Variants in WWOX observed in about 807,000 individuals in gnomAD.
WWOX encodes the protein WW domain-containing oxidoreductase.
WWOX carries 69 observed loss-of-function variants against 46.2 expected under a neutral mutation model. The observed-to-expected ratio is 1.49, with a 90% CI of 1.23 to 1.82. The LOEUF (loss-of-function observed/expected upper bound fraction) is 1.82. WWOX is among the 40% of genes most tolerant of loss of function. The pLI is 0.00. For synonymous variants in WWOX, 359 were observed against 202.6 expected, an observed-to-expected ratio of 1.77 and a Z score of -6.56; for missense variants, 919 against 542.6, an observed-to-expected ratio of 1.69 and a Z score of -6.89.
At chr16:79,202,408 G>T (rs562284368) in intron 8 of WWOX, among the ~76,000 whole-genome samples, 2 of 152,256 alleles carry the variant, frequency 1.3e-5, no homozygotes, top group African/African-American at 4.8e-5. Flanking sequence ...ACATTCCGTC[G>T]AGATTCTTTT....
At chr16:78,903,748 G>A (rs1293871031) in intron 8 of WWOX, among the ~76,000 whole-genome samples, 1 of 152,198 alleles carries the variant, frequency 6.6e-6, no homozygotes, top group South Asian at 2.1e-4. Flanking sequence ...ATTATGCATA[G>A]TACAGGAGCT....
chr16:78,656,911 C>T (rs957126910), intron 8 of WWOX, among the ~76,000 whole-genome samples: 1 of 152,204 alleles, frequency 6.6e-6, no homozygotes, highest in African/African-American at 2.4e-5. Flanking sequence ...TTAGGGAAGG[C>T]TGTCGATACA....
intron 8 of WWOX, among the ~76,000 whole-genome samples, chr16:79,208,240 C>A (rs933039641): frequency 2.6e-5 from 4 of 152,138 alleles, no homozygotes; most frequent in Admixed American, 6.5e-5. Flanking sequence ...TAAAAAGATT[C>A]TTCTGGGCTT....
intron 8 of WWOX, among the ~76,000 whole-genome samples, chr16:78,589,050 A>G (rs898603903): frequency 6.6e-6 from 1 of 152,174 alleles, no homozygotes; most frequent in Non-Finnish European, 1.5e-5. Context: ...CCTTATTAAG[A>G]CCTTATCAGT....
intron 8 of WWOX, among the ~76,000 whole-genome samples, chr16:78,505,089 G>A (rs141071218): frequency 1.6e-3 from 250 of 152,144 alleles, no homozygotes; most frequent in African/African-American, 5.8e-3. Context: ...CTGAGCCGCC[G>A]AAGCACAATA....
chr16:78,182,472 C>G (rs1047127423), intron 5 of WWOX, among the ~76,000 whole-genome samples: 2 of 151,968 alleles, frequency 1.3e-5, no homozygotes, highest in African/African-American at 2.4e-5. Flanking sequence ...CTAAGCTTTT[C>G]CTCCCCACAT....
intron 8 of WWOX, among the ~76,000 whole-genome samples, chr16:79,011,354 C>T (rs542610867): frequency 5.5e-4 from 84 of 152,038 alleles, no homozygotes; most frequent in Non-Finnish European, 1.1e-3. Context: ...TTTCATGTCT[C>T]CAATCCTGCC....
intron 5 of WWOX, among the ~76,000 whole-genome samples, chr16:78,321,334 ATGCGTATATATATACG>A (rs1567499128): frequency 9.0e-4 from 55 of 61,402 alleles, no homozygotes; most frequent in Admixed American, 2.0e-3. Flanking sequence ...ATACGTATAT[ATGCGTATATATATACG>A]TATATATGCG....
chr16:78,428,156 T>G (rs1210922649), intron 7 of WWOX, among the ~76,000 whole-genome samples: 1 of 152,206 alleles, frequency 6.6e-6, no homozygotes, highest in Non-Finnish European at 1.5e-5. Flanking sequence ...ACAAAGCAAG[T>G]GTTACTGTCC....
chr16:78,808,381 A>T (rs569466429), intron 8 of WWOX, among the ~76,000 whole-genome samples: 1 of 152,356 alleles, frequency 6.6e-6, no homozygotes, highest in South Asian at 2.1e-4. Context: ...GGTCTTAGAT[A>T]TAGGTGCAAA....
chr16:78,313,315 G>T (rs548453868), intron 5 of WWOX, among the ~76,000 whole-genome samples: 1 of 152,150 alleles, frequency 6.6e-6, no homozygotes, highest in African/African-American at 2.4e-5. Context: ...ATGATAGAAC[G>T]TCTGAACAGT....
chr16:79,007,548 C>A (rs902861727), intron 8 of WWOX, among the ~76,000 whole-genome samples: 1 of 152,196 alleles, frequency 6.6e-6, no homozygotes, highest in Non-Finnish European at 1.5e-5. Flanking sequence ...CCAAAATATC[C>A]ATAACCGAAT....
chr16:78,328,524 G>A (rs2080682642), intron 5 of WWOX, among the ~76,000 whole-genome samples: 1 of 152,184 alleles, frequency 6.6e-6, no homozygotes, highest in Non-Finnish European at 1.5e-5. Context: ...CTGTAAGAAT[G>A]CTGCAAAGGG....
chr16:78,307,977 C>G (rs1342110016), intron 5 of WWOX, among the ~76,000 whole-genome samples: 1 of 152,184 alleles, frequency 6.6e-6, no homozygotes, highest in East Asian at 1.9e-4. Context: ...GTGTGACACT[C>G]TGGAATGTGG....
chr16:79,197,160 T>A (rs747798917), intron 8 of WWOX, among the ~76,000 whole-genome samples: 11 of 152,164 alleles, frequency 7.2e-5, no homozygotes, highest in Non-Finnish European at 1.2e-4. Context: ...TCTGTACCAT[T>A]CTGTCCTTCA....
At chr16:79,050,593 G>A (rs2048148051) in intron 8 of WWOX, among the ~76,000 whole-genome samples, 1 of 152,196 alleles carries the variant, frequency 6.6e-6, no homozygotes, top group Admixed American at 6.5e-5. Context: ...GGAGGGTGAA[G>A]AATGGGCCCC....
At chr16:78,619,525 C>T (rs1338995022) in intron 8 of WWOX, among the ~76,000 whole-genome samples, 3 of 151,768 alleles carry the variant, frequency 2.0e-5, no homozygotes, top group Non-Finnish European at 4.4e-5. Flanking sequence ...CCCCTTTCAG[C>T]TCCTGCTGTG....
chr16:78,640,855 C>G (rs2046689804), intron 8 of WWOX, among the ~76,000 whole-genome samples: 1 of 150,560 alleles, frequency 6.6e-6, no homozygotes, highest in Admixed American at 6.6e-5. Flanking sequence ...AGGGGAATTG[C>G]TTGAACCTGG....
chr16:78,670,367 C>T (rs570578747), intron 8 of WWOX, among the ~76,000 whole-genome samples: 48 of 152,236 alleles, frequency 3.2e-4, no homozygotes, highest in Middle Eastern at 3.4e-3. Context: ...TGGTTCATCC[C>T]GGAAATATGC....
Sources: gnomAD v4.1 joint callset for allele counts (sites outside exome capture counted in the v4.1 genomes callset) on GRCh38, gnomAD v4.1.1 for gene constraint, MANE v1.5 for transcripts, NCBI Gene and HGNC (gene_info 2026-07-23, HGNC 2026-07-21) for gene names.